The following ERH variants were observed in gnomAD, a reference collection of about 807,000 sequenced individuals.
The protein encoded by ERH is ERH mRNA splicing and mitosis factor, also known as enhancer of rudimentary homolog.
In ERH, 1 loss-of-function variant was observed where a neutral mutation model predicts 16.8. The ratio of observed to expected loss-of-function variants is 0.06; its 90% CI spans 0.02 to 0.28. ERH has a LOEUF of 0.28. Ranked by LOEUF, ERH falls within the 10% of genes least tolerant of loss-of-function variation. The pLI is 1.00. For synonymous variants in ERH, 43 were observed against 43.6 expected (o/e 0.99, Z 0.05); for missense variants, 42 against 127.5 (o/e 0.33, Z 3.23).
intron 2 of ERH, among the ~76,000 whole-genome samples, chr14:69,391,498 G>A (rs1212221483): frequency 6.6e-6 from 1 of 151,324 alleles, no homozygotes; most frequent in Non-Finnish European, 1.5e-5. Flanking sequence ...TACAAAAAAA[G>A]GTAGCCAGGC....
intron 3 of ERH, among the ~76,000 whole-genome samples, chr14:69,386,303 A>G (rs761910288): frequency 7.2e-5 from 11 of 152,234 alleles, no homozygotes; most frequent in Non-Finnish European, 1.3e-4. Context: ...CTTCTAGCAC[A>G]GCACCTGACA....
At chr14:69,396,208 A>AGG (rs1882330216) in intron 1 of ERH, among the ~76,000 whole-genome samples, 1 of 152,258 alleles carries the variant, frequency 6.6e-6, no homozygotes, top group Non-Finnish European at 1.5e-5. Flanking sequence ...AGTATTTTTC[A>AGG]GCCAAAAACC....
Position 69,398,299 on chromosome 14 carries a change from C to T in ERH, c.-66G>A, listed in dbSNP as rs1368417656. ...CGCCGTTACACGAGCTTAACTACAA[C>T]GCCGCTAACAGCCAATCCTCGCGAG... On this transcript the variant is annotated 5_prime_UTR_variant, in exon 1 of 4. Transcript: ENST00000557016. The T allele has an allele frequency of 6.0e-5, 97 of 1,611,176 alleles. No individual in the cohort carries two copies. Among genetic ancestry groups the T allele is most frequent in the Non-Finnish European group, 8.2e-5 (97 of 1,178,602 alleles).
intron 3 of ERH, among the ~76,000 whole-genome samples, chr14:69,386,313 A>G (rs143365423): frequency 3.5e-3 from 532 of 152,344 alleles, no homozygotes; most frequent in South Asian, 0.016. Flanking sequence ...AGCACCTGAC[A>G]TGTAATAAAT....
chr14:69,382,246 C>T (rs2045867399), intron 3 of ERH, among the ~76,000 whole-genome samples: 1 of 152,116 alleles, frequency 6.6e-6, no homozygotes, highest in Non-Finnish European at 1.5e-5. Flanking sequence ...TACAAGATTC[C>T]CATTTTTAAA....
At chr14:69,383,048 CTT>C (rs2045872268) in intron 3 of ERH, among the ~76,000 whole-genome samples, 1 of 152,140 alleles carries the variant, frequency 6.6e-6, no homozygotes, top group African/African-American at 2.4e-5. Context: ...AGGAATACCT[CTT>C]GTCATTATAA....
chr14:69,389,475 G>T (rs979404621), intron 2 of ERH, among the ~76,000 whole-genome samples: 1 of 152,164 alleles, frequency 6.6e-6, no homozygotes, highest in African/African-American at 2.4e-5. Context: ...CAGGCCTTCA[G>T]ATTGGAAAGG....
intron 2 of ERH, among the ~76,000 whole-genome samples, chr14:69,389,464 A>G (rs1285766164): frequency 6.6e-6 from 1 of 152,226 alleles, no homozygotes; most frequent in Non-Finnish European, 1.5e-5. Flanking sequence ...AAAAGAGATA[A>G]CAGGCCTTCA....
intron 2 of ERH, among the ~76,000 whole-genome samples, chr14:69,388,726 A>G (rs980255628): frequency 6.6e-5 from 10 of 152,184 alleles, no homozygotes; most frequent in Non-Finnish European, 1.2e-4. Flanking sequence ...CCCGCTGTCA[A>G]CTATTTTAAG....
Position 69,387,008 on chromosome 14 carries a change from T to C in ERH, c.167A>G (p.Gln56Arg). The C allele has an allele frequency of 6.2e-7, 1 of 1,613,780 alleles. No homozygotes were observed. The highest frequency in any genetic ancestry group is 8.5e-7 in the Non-Finnish European group (1 of 1,179,672). ...CAGATCATCGATGAAATCAAACAAC[T>C]GACTGATGTCATATGTGATAGAGGG... Reference protein sequence around the residue: ...NSPSITYDISQLFDFIDDLAD... With the variant: ...NSPSITYDISRLFDFIDDLAD... The change falls in exon 3 of 4, where the codon CAG becomes CGG. Residue 56 changes from glutamine to arginine, a missense_variant. By Grantham distance (43) the Gln-to-Arg change is conservative. Transcript: ENST00000557016.
At chr14:69,394,182 G>A (rs560315837) in intron 2 of ERH, among the ~76,000 whole-genome samples, 48 of 151,938 alleles carry the variant, frequency 3.2e-4, no homozygotes, top group Non-Finnish European at 6.0e-4. Context: ...AGGGATACCT[G>A]TAAAATATTT....
chr14:69,394,075 GA>G (rs1882280421), intron 2 of ERH, among the ~76,000 whole-genome samples: 2 of 149,722 alleles, frequency 1.3e-5, no homozygotes, highest in Non-Finnish European at 3.0e-5. Flanking sequence ...ATCTATATAA[GA>G]AGACTACACT....
chr14:69,380,818 T>C (rs2045858830), intron 3 of ERH, among the ~76,000 whole-genome samples, 178 bp from the exon 4 acceptor site: 2 of 152,368 alleles, frequency 1.3e-5, no homozygotes, highest in Middle Eastern at 3.4e-3. Context: ...ATGAACTTTA[T>C]ATCACCTAGT....
At chr14:69,389,124 G>T (rs181745840) in intron 2 of ERH, among the ~76,000 whole-genome samples, 366 of 152,096 alleles carry the variant, frequency 2.4e-3, no homozygotes, top group Non-Finnish European at 4.1e-3. Context: ...GGATTCAAGC[G>T]ATTCTCTTGC....
chr14:69,389,466 A>G (rs2045911644), intron 2 of ERH, among the ~76,000 whole-genome samples: 1 of 152,244 alleles, frequency 6.6e-6, no homozygotes, highest in Admixed American at 6.5e-5. Context: ...AAGAGATAAC[A>G]GGCCTTCAGA....
Position 69,396,489 on chromosome 14 carries a change from G to A in ERH, c.4-1577C>T, listed in dbSNP as rs374642313. Among the ~76,000 whole-genome samples the A allele has an allele frequency of 3.9e-4, 59 of 152,324 alleles. 3 individuals carry two copies. The highest frequency in any genetic ancestry group is 2.5e-3 in the East Asian group (13 of 5,188). ...TTGGTCAGACTGGTCTTGAACTCCC[G>A]ACCTCAGGTGATCTGCCTGCCTCGG... On this transcript the variant is annotated intron_variant, in intron 1 of 3. Coordinates refer to ENST00000557016, the MANE Select transcript of ERH (RefSeq NM_004450.3).
chr14:69,397,695 G>A (rs2140236305), intron 1 of ERH, among the ~76,000 whole-genome samples: 1 of 152,272 alleles, frequency 6.6e-6, no homozygotes, highest in African/African-American at 2.4e-5. Flanking sequence ...GAGGCGGGTG[G>A]ATTGCTTGAG....
At chr14:69,381,966 C>T (rs1163103367) in intron 3 of ERH, among the ~76,000 whole-genome samples, 2 of 152,252 alleles carry the variant, frequency 1.3e-5, no homozygotes, top group Admixed American at 6.5e-5. Flanking sequence ...GCTGGGATTA[C>T]AGGCGTGAGC....
At chr14:69,390,336 C>A (rs886428279) in intron 2 of ERH, among the ~76,000 whole-genome samples, 4 of 152,290 alleles carry the variant, frequency 2.6e-5, no homozygotes, top group Admixed American at 6.5e-5. Context: ...CCAATCAAGA[C>A]AATATGGTAT....
Sources: gnomAD v4.1 joint callset for allele counts (sites outside exome capture counted in the v4.1 genomes callset) on GRCh38, gnomAD v4.1.1 for gene constraint, MANE v1.5 for transcripts, NCBI Gene and HGNC (gene_info 2026-07-23, HGNC 2026-07-21) for gene names.